Variants in RAPGEFL1 observed in about 807,000 individuals in gnomAD.
The protein encoded by RAPGEFL1 is Rap guanine nucleotide exchange factor like 1.
Under a neutral mutation model 64.4 loss-of-function variants are expected in RAPGEFL1, and 31 were observed. That is an observed-to-expected ratio of 0.48 (90% CI 0.36 to 0.65). The LOEUF (loss-of-function observed/expected upper bound fraction) is 0.65, where lower values mean the gene tolerates loss of function less well. RAPGEFL1 is among the 30% of genes least tolerant of loss of function. The pLI is 0.00. For missense variants in RAPGEFL1, 682 were observed against 677.4 expected, an observed-to-expected ratio of 1.01 and a Z score of -0.08; for synonymous variants, 331 against 274.1, an observed-to-expected ratio of 1.21 and a Z score of -2.05.
At chr17:40,185,044 G>A (rs1182891603) in intron 4 of RAPGEFL1, among the ~76,000 whole-genome samples, 1 of 152,050 alleles carries the variant, frequency 6.6e-6, no homozygotes, top group Non-Finnish European at 1.5e-5. Flanking sequence ...CCAAAGTGCT[G>A]GGATTACAGG....
At position 40,193,402 on chromosome 17, in the gene RAPGEFL1, C is replaced by T. The variant is rs762032946; in HGVS notation, c.1849C>T (p.Arg617Trp). The T allele has an allele frequency of 6.2e-6, 10 of 1,614,070 alleles. 1 individual carries two copies. The highest frequency in any genetic ancestry group is 4.0e-5 in the African/African-American group (3 of 74,914). The change falls in exon 14 of 15, where the codon CGG becomes TGG. Residue 617 changes from arginine to tryptophan, a missense_variant. By Grantham distance (101) the Arg-to-Trp change is moderately radical. This residue lies in a region of RAPGEFL1 where 411 missense variants were observed against 519.4 expected (regional missense o/e 0.79). Transcript: ENST00000620260. Reference sequence around the variant, plus strand: ...AAAAGTGAGGACAATCCGCAAATACCGGAGCCGGCCCCTTTGTGAGTACCC... The same window carrying T: ...AAAAGTGAGGACAATCCGCAAATACTGGAGCCGGCCCCTTTGTGAGTACCC... ...AEKVRTIRKYRSRPLCLDMEA... is the reference protein window; with the variant it reads ...AEKVRTIRKYWSRPLCLDMEA...
At chr17:40,187,460 C>T (rs1183680196) in intron 4 of RAPGEFL1, among the ~76,000 whole-genome samples, 3 of 152,138 alleles carry the variant, frequency 2.0e-5, no homozygotes, top group Non-Finnish European at 2.9e-5. Flanking sequence ...AGTGAAACAT[C>T]CCAGCATTCA....
At chr17:40,182,615 A>T (rs1300864821) in intron 2 of RAPGEFL1, among the ~76,000 whole-genome samples, 2 of 152,178 alleles carry the variant, frequency 1.3e-5, no homozygotes, top group Non-Finnish European at 2.9e-5. Context: ...CGCCCAGCCA[A>T]GGTGTTATTA....
In RAPGEFL1 at chr17:40,184,398, AG is replaced by A. The variant is rs752208688; in HGVS notation, c.735+54del. ...GGGTAAACAGGCTATTAGCTCTGGA[AG>A]GGGGCCCCTGTGAAGGAGCCATACT... is the stretch of plus-strand genomic sequence containing the variant. On this transcript the variant is annotated intron_variant, in intron 3 of 14. Coordinates refer to ENST00000620260, the MANE Select transcript of RAPGEFL1 (RefSeq NM_016339.6). 6.3e-5 allele frequency: 95 copies of A among 1,519,018 alleles called. No individual in the cohort carries two copies. The East Asian group carries it at 2.0e-3, about 32-fold the overall frequency. 94.1% of individuals were successfully genotyped at this position (1,519,018 alleles called of 1,614,324 possible).
chr17:40,182,771 T>C (rs1989932066), intron 2 of RAPGEFL1, among the ~76,000 whole-genome samples: 1 of 152,188 alleles, frequency 6.6e-6, no homozygotes, highest in Admixed American at 6.6e-5. Flanking sequence ...GGATGGGCTA[T>C]TCATAGGGTC....
Position 40,193,876 on chromosome 17 carries a change from T to C in RAPGEFL1, c.*88T>C, listed in dbSNP as rs1217256688. The stretch of plus-strand genomic sequence containing the variant: ...GATGTCTCAACCAACATCTGACATC[T>C]TTCCCGTGGAGCAACTTCCTGCTCC... On this transcript the variant is annotated 3_prime_UTR_variant, in exon 15 of 15. Transcript: ENST00000620260. 1 of 1,556,796 alleles carries C rather than the reference T, an allele frequency of 6.4e-7. No individual in the cohort carries two copies. The highest frequency in any genetic ancestry group is 8.7e-7 in the Non-Finnish European group (1 of 1,145,718).
chr17:40,184,639 C>T lies in RAPGEFL1; in HGVS notation c.794C>T (p.Thr265Ile), dbSNP rs762791504. The change falls in exon 4 of 15, where the codon ACT becomes ATT. Residue 265 changes from threonine (T) to isoleucine (I), a missense_variant. Around this residue, in one of 2 missense-constraint regions of RAPGEFL1, gnomAD observed 271 missense variants for 158.0 expected, o/e 1.72. Transcript: ENST00000620260. The stretch of plus-strand genomic sequence containing the variant: ...CTTTACCAGGGCCTCCGAGAGGACA[C>T]TCTGAGGCTGCACCAGCTGGTGGAG... ...ESLYQGLRED[T>I]LRLHQLVETV... The T allele has an allele frequency of 3.1e-6, 5 of 1,594,092 alleles. No individual in the cohort carries two copies. Among genetic ancestry groups the T allele is most frequent in the Non-Finnish European group, 4.3e-6 (5 of 1,165,952 alleles).
At chr17:40,190,234 AAAAAAAG>A (rs1990213745) in intron 6 of RAPGEFL1, among the ~76,000 whole-genome samples, 193 bp from the exon 7 acceptor site, 1 of 152,230 alleles carries the variant, frequency 6.6e-6, no homozygotes, top group African/African-American at 2.4e-5. Flanking sequence ...AAGGGAGTAG[AAAAAAAG>A]TTATAAATGC....
chr17:40,190,510 T>C lies in RAPGEFL1; in HGVS notation c.1191T>C (p.Thr397=). ...LGINSHLFAC[T]RDSYEALVPL... is the part of the protein sequence containing the mutation. ...TCAACAGCCACCTGTTTGCCTGTAC[T>C]CGGGACAGCTATGAGGCTCTGGTAA... The change falls in exon 7 of 15, where the codon ACT becomes ACC. Residue 397 remains threonine, a synonymous_variant. Coordinates refer to ENST00000620260, the MANE Select transcript of RAPGEFL1 (RefSeq NM_016339.6). 1.9e-6 allele frequency: 3 copies of C among 1,614,190 alleles called. No homozygotes were observed. The highest frequency in any genetic ancestry group is 2.5e-6 in the Non-Finnish European group (3 of 1,180,036).
intron 5 of RAPGEFL1, 66 bp from the exon 6 acceptor site, chr17:40,189,142 G>A: frequency 1.3e-6 from 2 of 1,555,300 alleles, no homozygotes; most frequent in Non-Finnish European, 1.8e-6. Flanking sequence ...AGGCACCCTG[G>A]AGGAGACTGT....
chr17:40,181,519 G>A (rs1989894229), intron 1 of RAPGEFL1, 97 bp from the exon 2 acceptor site: 1 of 686,616 alleles, frequency 1.5e-6, no homozygotes, highest in Non-Finnish European at 2.7e-6. Flanking sequence ...TGGCTAAAGA[G>A]AACTTGCCCT....
chr17:40,186,297 G>A (rs1435289985), intron 4 of RAPGEFL1, among the ~76,000 whole-genome samples: 8 of 149,472 alleles, frequency 5.4e-5, no homozygotes, highest in Admixed American at 1.3e-4. Flanking sequence ...GGCCGGGCGC[G>A]GTGGCTCACG....
chr17:40,184,732 C>G (rs543850983), intron 4 of RAPGEFL1, 54 bp downstream of exon 4: 5 of 1,110,386 alleles, frequency 4.5e-6, no homozygotes, highest in Non-Finnish European at 6.5e-6. Flanking sequence ...CTGCGTTCCT[C>G]TACTACAGGG....
At chr17:40,186,947 C>A (rs1386155838) in intron 4 of RAPGEFL1, among the ~76,000 whole-genome samples, 1 of 146,342 alleles carries the variant, frequency 6.8e-6, no homozygotes, top group Non-Finnish European at 1.5e-5. Flanking sequence ...TTTTTGGTAA[C>A]AACTTATTTG....
At chr17:40,193,148 A>T (rs1990337150) in intron 13 of RAPGEFL1, among the ~76,000 whole-genome samples, 158 bp downstream of exon 13, 1 of 151,970 alleles carries the variant, frequency 6.6e-6, no homozygotes, top group Non-Finnish European at 1.5e-5. Context: ...GTGGCAACCC[A>T]CCCACAGGTG....
At chr17:40,178,595 T>C (rs1989799956) in intron 1 of RAPGEFL1, among the ~76,000 whole-genome samples, 2 of 152,204 alleles carry the variant, frequency 1.3e-5, no homozygotes. Flanking sequence ...CACCCTCGTC[T>C]GGAGAAGCAG....
rs1989744511 is a variant in RAPGEFL1, at chr17:40,177,494, G to GCGCAGC, written c.-364_-359dup. On this transcript the variant is annotated 5_prime_UTR_variant, in exon 1 of 15. Transcript: ENST00000620260. ...ACCTTCCCCCTCTTCACGGCCAGGAGCGCAGCCGCCGCCGCCGCCGCCGCC... is the reference window on the plus strand; with the variant it reads ...ACCTTCCCCCTCTTCACGGCCAGGAGCGCAGCCGCAGCCGCCGCCGCCGCCGCCGCC... The GCGCAGC allele has an allele frequency of 1.6e-6, 1 of 610,796 alleles. No individual in the cohort carries two copies. 37.8% of individuals were successfully genotyped at this position (610,796 alleles called of 1,614,324 possible). A position where few individuals can be genotyped will look rare whatever the true frequency, so the allele number is the denominator to read the frequency against.
Position 40,193,975 on chromosome 17 carries a change from C to G in RAPGEFL1, c.*187C>G, listed in dbSNP as rs1053519333. On this transcript the variant is annotated 3_prime_UTR_variant, in exon 15 of 15. Transcript: ENST00000620260. ...TCCTGCTGAAGTCCCCTCCCCATTG[C>G]TCCTTCAAGCCAAAACTACACTTTG... is the stretch of plus-strand genomic sequence containing the variant. The G allele has an allele frequency of 2.8e-6, 2 of 709,434 alleles. No homozygotes were observed. The highest frequency in any genetic ancestry group is 3.6e-5 in the African/African-American group (2 of 55,540). 43.9% of individuals were successfully genotyped at this position (709,434 alleles called of 1,614,324 possible).
rs566747235 is a variant in RAPGEFL1, at chr17:40,177,498, A to AGCCGCCGCCGCC, written c.-352_-341dup. 97 of 594,442 alleles carry AGCCGCCGCCGCC rather than the reference A, an allele frequency of 1.6e-4. No individual in the cohort carries two copies. Among genetic ancestry groups the AGCCGCCGCCGCC allele is most frequent in the East Asian group, 8.4e-4 (29 of 34,394 alleles). 36.8% of individuals were successfully genotyped at this position (594,442 alleles called of 1,614,324 possible). ...TCCCCCTCTTCACGGCCAGGAGCGC[A>AGCCGCCGCCGCC]GCCGCCGCCGCCGCCGCCGCCGCGT... is the stretch of plus-strand genomic sequence containing the variant. On this transcript the variant is annotated 5_prime_UTR_variant, in exon 1 of 15. Transcript: ENST00000620260.
Sources: allele counts gnomAD v4.1 joint callset (sites outside exome capture counted in the v4.1 genomes callset), GRCh38; gene constraint gnomAD v4.1.1; regional missense constraint gnomAD v4.1.1; transcripts MANE v1.5; gene names NCBI Gene and HGNC (gene_info 2026-07-23, HGNC 2026-07-21).